The following SAMD5 variants were observed in gnomAD, a reference collection of about 807,000 sequenced individuals.
The protein encoded by SAMD5 is sterile alpha motif domain containing 5.
A neutral mutation model predicts 11.3 loss-of-function variants in SAMD5; 13 were observed. The ratio of observed to expected loss-of-function variants is 1.15; its 90% CI spans 0.75 to 1.83. The LOEUF (loss-of-function observed/expected upper bound fraction) is 1.83. Ranked by LOEUF, SAMD5 falls within the 40% of genes most tolerant of loss-of-function variation. The pLI, the probability that SAMD5 is intolerant of heterozygous loss-of-function variation, is 0.00. For missense variants in SAMD5, 255 were observed against 239.1 expected (o/e 1.07, Z -0.44); for synonymous variants, 129 against 111.3 (o/e 1.16, Z -1.00).
chr6:147,547,381 A>C (rs1015348191), intron 1 of SAMD5, among the ~76,000 whole-genome samples: 1 of 152,204 alleles, frequency 6.6e-6, no homozygotes, highest in Non-Finnish European at 1.5e-5. Flanking sequence ...TTCTGGGGGC[A>C]GAATCCACTT....
At chr6:147,716,799 G>T (rs1791475495) in intron 1 of SAMD5, among the ~76,000 whole-genome samples, 1 of 152,224 alleles carries the variant, frequency 6.6e-6, no homozygotes, top group South Asian at 2.1e-4. Context: ...CAGAAGAGAG[G>T]AAAGGAGGAA....
At chr6:147,532,846 A>G (rs1788450526) in intron 1 of SAMD5, among the ~76,000 whole-genome samples, 1 of 152,192 alleles carries the variant, frequency 6.6e-6, no homozygotes, top group African/African-American at 2.4e-5. Context: ...GAGGTTATGA[A>G]TGGGTCCACG....
the SAMD5 span, among the ~76,000 whole-genome samples, chr6:147,939,011 C>A: frequency 2.7e-4 from 41 of 152,168 alleles, no homozygotes; most frequent in African/African-American, 9.2e-4. Flanking sequence ...CACTCTCTGA[C>A]TTATATGCAA....
chr6:147,667,754 T>C (rs2128455153), intron 1 of SAMD5, among the ~76,000 whole-genome samples: 1 of 152,336 alleles, frequency 6.6e-6, no homozygotes, highest in East Asian at 1.9e-4. Context: ...CCTTATTTTC[T>C]TCTTCTGTCT....
intron 1 of SAMD5, among the ~76,000 whole-genome samples, chr6:147,556,314 G>A (rs942643980): frequency 1.3e-5 from 2 of 151,934 alleles, no homozygotes; most frequent in Non-Finnish European, 2.9e-5. Flanking sequence ...GGATGGTCTC[G>A]ATCTCCTGAC....
At chr6:147,821,482 A>G in the SAMD5 span, among the ~76,000 whole-genome samples, 15 of 152,224 alleles carry the variant, frequency 9.9e-5, no homozygotes, top group Non-Finnish European at 1.5e-5. Context: ...GGCAGCCAAC[A>G]AAAGCTCTCA....
chr6:147,834,437 C>T, the SAMD5 span, among the ~76,000 whole-genome samples: 1 of 152,112 alleles, frequency 6.6e-6, no homozygotes. Flanking sequence ...TTGAAAGAAT[C>T]TGTTGAAATA....
intron 1 of SAMD5, among the ~76,000 whole-genome samples, chr6:147,594,319 C>T (rs1032751981): frequency 2.0e-5 from 3 of 152,084 alleles, no homozygotes; most frequent in Admixed American, 6.5e-5. Context: ...AAGAGCAGAA[C>T]GTGGAGAATG....
the SAMD5 span, among the ~76,000 whole-genome samples, chr6:147,877,944 TA>T: frequency 0.36 from 34,542 of 96,708 alleles, 8,130 homozygotes; most frequent in African/African-American, 0.57. Context: ...GATAGATAGA[TA>T]GACTCTGTCA....
chr6:147,667,485 G>A (rs537025791), intron 1 of SAMD5, among the ~76,000 whole-genome samples: 42 of 152,116 alleles, frequency 2.8e-4, no homozygotes, highest in African/African-American at 1.0e-3. Flanking sequence ...TCTAAAAGGG[G>A]CCAAGAAAAA....
chr6:147,687,192 A>T (rs1308774937), intron 1 of SAMD5, among the ~76,000 whole-genome samples: 1 of 150,912 alleles, frequency 6.6e-6, no homozygotes, highest in Admixed American at 6.6e-5. Flanking sequence ...TCATTTAGAT[A>T]TATTCTCATA....
At chr6:147,865,925 T>A in the SAMD5 span, among the ~76,000 whole-genome samples, 2 of 152,174 alleles carry the variant, frequency 1.3e-5, no homozygotes, top group Non-Finnish European at 2.9e-5. Context: ...CATATTTGAA[T>A]AGTAAGCACA....
intron 1 of SAMD5, among the ~76,000 whole-genome samples, chr6:147,532,819 T>C (rs1412942825): frequency 1.3e-5 from 2 of 152,202 alleles, no homozygotes; most frequent in African/African-American, 4.8e-5. Flanking sequence ...CAGTACGGTT[T>C]ATAACATAGT....
At chr6:147,520,580 A>T (rs530356715) in intron 1 of SAMD5, among the ~76,000 whole-genome samples, 5 of 152,330 alleles carry the variant, frequency 3.3e-5, no homozygotes, top group African/African-American at 1.2e-4. Flanking sequence ...ACAATTTATG[A>T]CATTATACTG....
intron 1 of SAMD5, among the ~76,000 whole-genome samples, chr6:147,593,883 T>C (rs1432637816): frequency 6.6e-6 from 1 of 152,130 alleles, no homozygotes; most frequent in Non-Finnish European, 1.5e-5. Flanking sequence ...ATCCCAGCAT[T>C]TTGGGAGGCC....
chr6:147,591,501 A>G (rs1789454541), intron 1 of SAMD5, among the ~76,000 whole-genome samples: 1 of 152,184 alleles, frequency 6.6e-6, no homozygotes. Context: ...CTAAGAACAG[A>G]GTTCACTAAT....
chr6:147,895,177 G>T, the SAMD5 span, among the ~76,000 whole-genome samples: 5 of 152,192 alleles, frequency 3.3e-5, no homozygotes, highest in African/African-American at 4.8e-5. Context: ...TCTTGCAAAT[G>T]CTGAAATGCT....
At chr6:147,530,087 T>C (rs77983382) in intron 1 of SAMD5, among the ~76,000 whole-genome samples, 3,127 of 152,328 alleles carry the variant, frequency 0.021, 68 homozygotes, top group East Asian at 0.11. Flanking sequence ...GGACGATTTT[T>C]TCCCCCTGGT....
chr6:147,723,649 T>C (rs1400725822), intron 1 of SAMD5, among the ~76,000 whole-genome samples: 1 of 152,186 alleles, frequency 6.6e-6, no homozygotes. Flanking sequence ...TTTTTTTTAA[T>C]TGTGATGCTA....
Sources: allele counts gnomAD v4.1 joint callset (sites outside exome capture counted in the v4.1 genomes callset), GRCh38; gene constraint gnomAD v4.1.1; transcripts MANE v1.5; gene names NCBI Gene and HGNC (gene_info 2026-07-23, HGNC 2026-07-21).